Variants in RILPL1 observed in about 807,000 individuals in gnomAD.
RILPL1 encodes Rab interacting lysosomal protein like 1.
Under a neutral mutation model 50.3 loss-of-function variants are expected in RILPL1, and 33 were observed. The observed-to-expected ratio is 0.66, with a 90% CI of 0.50 to 0.88. The LOEUF (loss-of-function observed/expected upper bound fraction) is 0.88, where lower values mean the gene tolerates loss of function less well. Among genes scored for constraint, RILPL1 ranks in the 40% least tolerant of loss-of-function variants. The pLI, the probability that RILPL1 is intolerant of heterozygous loss-of-function variation, is 0.00. For missense variants in RILPL1, 418 were observed against 542.5 expected (o/e 0.77, Z 2.28); for synonymous variants, 205 against 228.6 (o/e 0.90, Z 0.93).
intron 4 of RILPL1, among the ~76,000 whole-genome samples, chr12:123,493,134 G>A (rs1349962174): frequency 6.6e-6 from 1 of 152,134 alleles, no homozygotes; most frequent in African/African-American, 2.4e-5. Context: ...GGAATGTCTC[G>A]GTATAAAACC....
At position 123,489,606 on chromosome 12, in the gene RILPL1, G is replaced by C. The variant is rs1357291934; in HGVS notation, c.802-3801C>G. ...TTGAACCCAGGAGATGGAGGTTACA[G>C]TGAGCTGACACGGTGCCACTGTACT... On this transcript the variant is annotated intron_variant, in intron 4 of 6. Coordinates refer to ENST00000376874, the MANE Select transcript of RILPL1 (RefSeq NM_178314.5). The surrounding 1 kb of genome is among the most constrained non-coding windows in gnomAD (Gnocchi z 4.0). Among the ~76,000 whole-genome samples, 3 of 152,044 alleles carry C rather than the reference G, an allele frequency of 2.0e-5. No individual in the cohort carries two copies. Among genetic ancestry groups the C allele is most frequent in the Non-Finnish European group, 4.4e-5 (3 of 68,026 alleles).
At position 123,482,476 on chromosome 12, in the gene RILPL1, C is replaced by T. The variant is rs531354407; in HGVS notation, c.1067+1704G>A. Among the ~76,000 whole-genome samples the T allele has an allele frequency of 4.1e-4, 63 of 152,178 alleles. 1 individual carries two copies. In the South Asian group the frequency reaches 9.1e-3, roughly 22 times the overall value. On this transcript the variant is annotated intron_variant, in intron 6 of 6. Coordinates refer to ENST00000376874, the MANE Select transcript of RILPL1 (RefSeq NM_178314.5). ...TTTTTGTAGAGACAGAGTCTCACTA[C>T]GTGGCCCAGGTTGGTCTCAAACTCC...
intron 2 of RILPL1, among the ~76,000 whole-genome samples, chr12:123,520,893 G>A (rs189591376): frequency 6.8e-4 from 104 of 152,300 alleles, no homozygotes; most frequent in Non-Finnish European, 4.9e-4. Context: ...CATGGTGCGC[G>A]TGATTTCAGT....
Position 123,470,461 on chromosome 12 carries a change from A to C in RILPL1, c.*2077T>G. 8.8e-6 allele frequency: 1 copy of C among 113,186 alleles called. No individual in the cohort carries two copies. The allele number at this position is 113,186 out of a possible 1,614,324, so 7.0% of individuals were successfully genotyped here. On this transcript the variant is annotated 3_prime_UTR_variant, in exon 7 of 7. Transcript: ENST00000376874. ...GTACTCCAGCCTAGGTGACAGAGTG[A>C]GACCCTGTGTCCAAAAAAAAAAAAA...
At chr12:123,508,923 C>CA (rs1363446483) in intron 2 of RILPL1, among the ~76,000 whole-genome samples, 2 of 151,638 alleles carry the variant, frequency 1.3e-5, no homozygotes, top group East Asian at 3.9e-4. Context: ...CGGTGACTCA[C>CA]ACCTGTAATC....
chr12:123,506,825 C>T (rs1236330804), intron 2 of RILPL1, among the ~76,000 whole-genome samples: 1 of 152,062 alleles, frequency 6.6e-6, no homozygotes, highest in Non-Finnish European at 1.5e-5. Flanking sequence ...ATGGTGCATC[C>T]TCCCACCGAT....
intron 1 of RILPL1, among the ~76,000 whole-genome samples, chr12:123,525,206 T>C (rs1317537567): frequency 6.6e-6 from 1 of 151,798 alleles, no homozygotes. Context: ...TAAAAACCAC[T>C]GAAGTGTACA....
chr12:123,496,936 C>T (rs780547170), intron 4 of RILPL1, among the ~76,000 whole-genome samples: 5 of 152,230 alleles, frequency 3.3e-5, no homozygotes, highest in Non-Finnish European at 5.9e-5. Flanking sequence ...TGCCCATCGG[C>T]AGTCACTCCC....
chr12:123,475,499 T>C, intron 6 of RILPL1: 4 of 621,468 alleles, frequency 6.4e-6, no homozygotes, highest in Non-Finnish European at 1.2e-5. Flanking sequence ...GCGCAGCCAG[T>C]GGCACAGCTG....
rs1884667280 is a variant in RILPL1, at chr12:123,516,003, C to T, written c.460+7492G>A. On this transcript the variant is annotated intron_variant, in intron 2 of 6. Coordinates refer to ENST00000376874, the MANE Select transcript of RILPL1 (RefSeq NM_178314.5). ...GAGCTGAGATTGCAGCACTTCACTC[C>T]AGCCTGGGCCACAGAGCGAGACTCT... 2.2e-5 allele frequency among the ~76,000 whole-genome samples: 3 copies of T among 138,200 alleles called. No individual in the cohort carries two copies. The Admixed American group carries it at 2.3e-4, about 11-fold the overall frequency. The allele number at this position is 138,200 out of a possible 152,430, so 90.7% of individuals were successfully genotyped here.
At chr12:123,500,182 G>A (rs1883285797) in intron 2 of RILPL1, among the ~76,000 whole-genome samples, 1 of 151,624 alleles carries the variant, frequency 6.6e-6, no homozygotes. Context: ...CGCCCGCCTC[G>A]GCCTCCCAAA....
intron 4 of RILPL1, among the ~76,000 whole-genome samples, chr12:123,495,677 GTTTTTTT>G (rs33979230): frequency 9.7e-6 from 1 of 103,408 alleles, no homozygotes; most frequent in East Asian, 2.8e-4. Flanking sequence ...CCTGGCCCCA[GTTTTTTT>G]TTTTTTTTTT....
intron 4 of RILPL1, among the ~76,000 whole-genome samples, chr12:123,487,084 C>T (rs1326199812): frequency 6.6e-6 from 1 of 152,074 alleles, no homozygotes; most frequent in Non-Finnish European, 1.5e-5. Context: ...CAGGTGTGAG[C>T]CACCGCACCC....
intron 2 of RILPL1, chr12:123,518,486 G>GCA: frequency 6.1e-6 from 1 of 165,072 alleles, no homozygotes. Flanking sequence ...CAGCGTTGAA[G>GCA]ACAGAGACCT....
chr12:123,514,835 C>T (rs1884598731), intron 2 of RILPL1, among the ~76,000 whole-genome samples: 1 of 152,168 alleles, frequency 6.6e-6, no homozygotes, highest in Admixed American at 6.5e-5. Context: ...TGATATACCA[C>T]ATGCTACTGA....
At chr12:123,479,537 T>A (rs1373100664) in intron 6 of RILPL1, among the ~76,000 whole-genome samples, 1 of 152,126 alleles carries the variant, frequency 6.6e-6, no homozygotes, top group Non-Finnish European at 1.5e-5. Context: ...GGAAGATCTG[T>A]CCCTGCCCAG....
intron 2 of RILPL1, among the ~76,000 whole-genome samples, chr12:123,511,521 G>C (rs1445194609): frequency 7.0e-6 from 1 of 143,292 alleles, no homozygotes; most frequent in Non-Finnish European, 1.5e-5. Context: ...TCTGAGGTCT[G>C]TGTGTGGTGT....
intron 2 of RILPL1, among the ~76,000 whole-genome samples, chr12:123,501,933 G>C (rs978805194): frequency 2.0e-5 from 3 of 151,648 alleles, no homozygotes; most frequent in African/African-American, 7.3e-5. Flanking sequence ...AAATTAGCCA[G>C]GCGTGGTGGC....
At chr12:123,518,483 GAA>G in intron 2 of RILPL1, 1 of 176,938 alleles carries the variant, frequency 5.7e-6, no homozygotes. Context: ...CTCCAGCGTT[GAA>G]GACAGAGACC....
Sources: allele counts gnomAD v4.1 joint callset (sites outside exome capture counted in the v4.1 genomes callset), GRCh38; gene constraint gnomAD v4.1.1; non-coding constraint Gnocchi (gnomAD v3.1); transcripts MANE v1.5; gene names NCBI Gene and HGNC (gene_info 2026-07-23, HGNC 2026-07-21).